The following CYP4F11 variants were observed in gnomAD, a reference collection of about 807,000 sequenced individuals.
CYP4F11 encodes the protein cytochrome P450 4F11.
A neutral mutation model predicts 62.2 loss-of-function variants in CYP4F11; 79 were observed. The observed-to-expected ratio is 1.27, with a 90% CI of 1.06 to 1.53. The LOEUF is 1.53. Ranked by LOEUF, CYP4F11 falls within the 40% of genes most tolerant of loss-of-function variation. The probability of loss-of-function intolerance (pLI) is 0.00; values close to 1 mark genes in which losing one functional copy is unlikely to be tolerated. For synonymous variants in CYP4F11, 290 were observed against 263.7 expected (o/e 1.10, Z -0.97); for missense variants, 777 against 680.5 (o/e 1.14, Z -1.58).
In CYP4F11 at chr19:15,914,772, G is replaced by A; in HGVS notation, c.1239C>T (p.Val413=). The A allele has an allele frequency of 5.6e-6, 9 of 1,614,188 alleles. No individual in the cohort carries two copies. Among genetic ancestry groups the A allele is most frequent in the Non-Finnish European group, 7.6e-6 (9 of 1,180,024 alleles). ...TQDFVLPDGR[V]IPKGIVCLIN... ...TGAGGCTGTGAGCACCTTTGGGGAT[G>A]ACGCGGCCGTCTGGGAGCACAAAGT... The change falls in exon 9 of 12, where the codon GTC becomes GTT. Residue 413 remains valine, a synonymous_variant. Coordinates refer to ENST00000402119, the MANE Select transcript of CYP4F11 (RefSeq NM_021187.4).
intron 1 of CYP4F11, among the ~76,000 whole-genome samples, 170 bp downstream of exon 1, chr19:15,934,041 C>T (rs79658799): frequency 0.036 from 3,171 of 88,418 alleles, 418 homozygotes; most frequent in African/African-American, 0.095. Context: ...AATGAGTGAG[C>T]GGGGAGAGGA....
rs556503596 is a variant in CYP4F11 at position 15,920,033 on chromosome 19, G to A, written c.1115+2004C>T. ...ATGGTGACTACAGTTAATAATAATA[G>A]ATTATGTTTTCCAAAACGGCTAAAA... On this transcript the variant is annotated intron_variant, in intron 8 of 11. Coordinates refer to ENST00000402119, the MANE Select transcript of CYP4F11 (RefSeq NM_021187.4). Among the ~76,000 whole-genome samples, 37 of 152,208 alleles carry A rather than the reference G, an allele frequency of 2.4e-4. 1 individual carries two copies. In the South Asian group the frequency reaches 2.5e-3, roughly 10 times the overall value.
At chr19:15,917,996 T>C (rs770394331) in intron 8 of CYP4F11, among the ~76,000 whole-genome samples, 8 of 152,178 alleles carry the variant, frequency 5.3e-5, no homozygotes, top group African/African-American at 7.2e-5. Flanking sequence ...CATATGTTCA[T>C]TGCAGCACTA....
At chr19:15,931,434 G>A (rs2145058691) in intron 1 of CYP4F11, among the ~76,000 whole-genome samples, 1 of 151,996 alleles carries the variant, frequency 6.6e-6, no homozygotes. Flanking sequence ...ACCCTCAGAG[G>A]TGCAGTAACA....
rs750330957 is a variant in CYP4F11, at chr19:15,913,739, G to A, written c.1568C>T (p.Ser523Leu). Residue 523 changes from serine to leucine, a missense_variant, in exon 12 of 12, where the codon TCA becomes TTA. Ser to Leu is a moderately radical substitution (Grantham distance 145). Coordinates refer to ENST00000402119, the MANE Select transcript of CYP4F11 (RefSeq NM_021187.4). Reference sequence around the variant, plus strand: ...GGTGGGTGGGTAGGACAGTCACTGTGAGTTCGCACCCAGGGGCTCCACCCG... The same window carrying A: ...GGTGGGTGGGTAGGACAGTCACTGTAAGTTCGCACCCAGGGGCTCCACCCG... ...WLRVEPLGAN[S>L]Q is the part of the protein sequence containing the mutation. The A allele has an allele frequency of 6.2e-7, 1 of 1,614,048 alleles. No homozygotes were observed. The highest frequency in any genetic ancestry group is 1.3e-5 in the African/African-American group (1 of 74,924).
chr19:15,914,261 G>A, intron 11 of CYP4F11, 44 bp downstream of exon 11: 1 of 1,596,684 alleles, frequency 6.3e-7, no homozygotes, highest in Non-Finnish European at 8.6e-7. Flanking sequence ...TTGGACCCCT[G>A]CACCCATCAT....
chr19:15,927,466 C>A lies in CYP4F11; in HGVS notation c.361G>T (p.Asp121Tyr). 1 of 1,614,150 alleles carries A rather than the reference C, an allele frequency of 6.2e-7. No homozygotes were observed. Among genetic ancestry groups the A allele is most frequent in the East Asian group, 2.2e-5 (1 of 44,882 alleles). ...TTCAGGAAGCCATAGAAAATCATAT[C>A]CTTGGGTGCGACAGCAGCTGACATG... ...TSASAAVAPK[D>Y]MIFYGFLKPW... Residue 121 changes from aspartate (D) to tyrosine (Y), a missense_variant, in exon 3 of 12, where the codon GAT becomes TAT. Transcript: ENST00000402119.
Position 15,921,981 on chromosome 19 carries a change from C to T in CYP4F11, c.1115+56G>A, listed in dbSNP as rs904728555. On this transcript the variant is annotated intron_variant, in intron 8 of 11. Coordinates refer to ENST00000402119, the MANE Select transcript of CYP4F11 (RefSeq NM_021187.4). ...CAAAAAAACTCCCTCCCTCTGCCCA[C>T]CTGAGGAGCAGAACCAATGACAAAA... The T allele has an allele frequency of 3.2e-5, 48 of 1,496,336 alleles. No homozygotes were observed. In the Admixed American group the frequency reaches 1.0e-3, roughly 32 times the overall value. The allele number at this position is 1,496,336 out of a possible 1,614,324, so 92.7% of individuals were successfully genotyped here.
Position 15,934,517 on chromosome 19 carries a change from C to A in CYP4F11, c.-109G>T. ...AGGATGGGCAGTGCTGGAGGCAGAT[C>A]AGGGAAGGCTCTGAGATGGGTAAAC... On this transcript the variant is annotated 5_prime_UTR_variant, in exon 1 of 12. Transcript: ENST00000402119. 2 of 1,319,362 alleles carry A rather than the reference C, an allele frequency of 1.5e-6. No homozygotes were observed. Among genetic ancestry groups the A allele is most frequent in the Non-Finnish European group, 2.0e-6 (2 of 976,008 alleles). 81.7% of individuals were successfully genotyped at this position (1,319,362 alleles called of 1,614,324 possible). A position where few individuals can be genotyped will look rare whatever the true frequency, so the allele number is the denominator to read the frequency against.
intron 4 of CYP4F11, among the ~76,000 whole-genome samples, chr19:15,925,142 G>C (rs1473497236): frequency 6.6e-6 from 1 of 152,146 alleles, no homozygotes; most frequent in Non-Finnish European, 1.5e-5. Flanking sequence ...TCAACCTCCT[G>C]CACTCCCATA....
chr19:15,924,039 A>C lies in CYP4F11; in HGVS notation c.691T>G (p.Phe231Val), dbSNP rs765246303. 1 of 1,614,066 alleles carries C rather than the reference A, an allele frequency of 6.2e-7. No individual in the cohort carries two copies. Among genetic ancestry groups the C allele is most frequent in the Non-Finnish European group, 8.5e-7 (1 of 1,180,036 alleles). The change falls in exon 6 of 12, where the codon TTT (phenylalanine) becomes GTT (valine). Residue 231 changes from phenylalanine to valine, a missense_variant. Transcript: ENST00000402119. ...ATCTGCTGGTTTCTCTTTTCTACAA[A>C]GGCACTGAGCTCCAAGATGGCGGCA... The part of the protein sequence containing the change: ...YIAAILELSA[F>V]VEKRNQQILL...
Position 15,934,311 on chromosome 19 carries a change from C to G in CYP4F11, c.98G>C (p.Arg33Pro), listed in dbSNP as rs567208540. 6.2e-6 allele frequency: 10 copies of G among 1,613,348 alleles called. No individual in the cohort carries two copies. The highest frequency in any genetic ancestry group is 4.4e-5 in the South Asian group (4 of 91,044). ...LLVGGSWLLA[R>P]VLAWTYTFYD... ...GAAGGTGTAGGTCCAGGCCAGGACG[C>G]GGGCCAGGAGCCAGGAGCCTCCAAC... The change falls in exon 1 of 12, where the codon CGC becomes CCC. Residue 33 changes from arginine (R) to proline (P), a missense_variant. Physicochemically the swap from Arg to Pro is moderately radical, Grantham distance 103 (BLOSUM62 -2). Transcript: ENST00000402119.
chr19:15,917,406 A>C (rs902399773), intron 8 of CYP4F11, among the ~76,000 whole-genome samples: 2 of 152,152 alleles, frequency 1.3e-5, no homozygotes, highest in Admixed American at 6.5e-5. Context: ...AAATAAAAAC[A>C]GAAGAGAAAG....
chr19:15,915,020 G>A, intron 8 of CYP4F11, 125 bp from the exon 9 acceptor site: 1 of 1,430,022 alleles, frequency 7.0e-7, no homozygotes, highest in Non-Finnish European at 9.3e-7. Flanking sequence ...TGAAATACTG[G>A]AGAATTTAAA....
At chr19:15,923,230 G>GCAA (rs1391808510) in intron 6 of CYP4F11, among the ~76,000 whole-genome samples, 4 of 112,230 alleles carry the variant, frequency 3.6e-5, no homozygotes, top group Admixed American at 1.8e-4. Context: ...CCAGAACAAA[G>GCAA]CAAACATCCT....
At chr19:15,934,687 C>T (rs1428185207), upstream of CYP4F11, 3 of 361,098 alleles carry the variant, frequency 8.3e-6, no homozygotes, top group Admixed American at 1.4e-4. Flanking sequence ...GCCAGGGGTC[C>T]AGTTACCAGG....
chr19:15,932,263 GGGAGAGGAATGAGTGAGTGA>G (rs2089733099), intron 1 of CYP4F11, among the ~76,000 whole-genome samples: 1 of 7,266 alleles, frequency 1.4e-4, no homozygotes, highest in Non-Finnish European at 2.5e-4. Flanking sequence ...TGAGTGAGTG[GGGAGAGGAATGAGTGAGTGA>G]GGAGAGGAAT....
At chr19:15,923,435 T>A (rs552247658) in intron 6 of CYP4F11, among the ~76,000 whole-genome samples, 1 of 152,184 alleles carries the variant, frequency 6.6e-6, no homozygotes, top group South Asian at 2.1e-4. Context: ...AGAAGGAATA[T>A]GGGAATAGAG....
chr19:15,913,468 A>T lies in CYP4F11; in HGVS notation c.*264T>A, dbSNP rs1454786861. 2 of 494,174 alleles carry T rather than the reference A, an allele frequency of 4.0e-6. No homozygotes were observed. Among genetic ancestry groups the T allele is most frequent in the Non-Finnish European group, 7.4e-6 (2 of 270,924 alleles). 30.6% of individuals were successfully genotyped at this position (494,174 alleles called of 1,614,324 possible). ...TCCCTCTCCTGCTCAAACACCTCCC[A>T]GGGCTCCCTACTGCCCACAGGATAA... On this transcript the variant is annotated 3_prime_UTR_variant, in exon 12 of 12. Transcript: ENST00000402119.
Sources: allele counts gnomAD v4.1 joint callset (sites outside exome capture counted in the v4.1 genomes callset), GRCh38; gene constraint gnomAD v4.1.1; transcripts MANE v1.5; gene names NCBI Gene and HGNC (gene_info 2026-07-23, HGNC 2026-07-21).